Variants in KCNH8 observed in about 807,000 individuals in gnomAD.
The protein encoded by KCNH8 is potassium voltage-gated channel subfamily H member 8, also known as voltage-gated delayed rectifier potassium channel KCNH8.
Under a neutral mutation model 103.6 loss-of-function variants are expected in KCNH8, and 70 were observed. The ratio of observed to expected loss-of-function variants is 0.68; its 90% CI spans 0.56 to 0.82. The LOEUF (loss-of-function observed/expected upper bound fraction) is 0.82. KCNH8 is among the 40% of genes least tolerant of loss of function. KCNH8 has a pLI of 0.00. For missense variants in KCNH8, 1,217 were observed against 1,329.9 expected (o/e 0.92, Z 1.32); for synonymous variants, 498 against 489.4 (o/e 1.02, Z -0.23).
chr3:19,223,246 T>G (rs1228450471), intron 1 of KCNH8, among the ~76,000 whole-genome samples: 2 of 152,124 alleles, frequency 1.3e-5, no homozygotes, highest in Non-Finnish European at 2.9e-5. Context: ...ATTCAACAAC[T>G]CTGTACTAAG....
intron 3 of KCNH8, among the ~76,000 whole-genome samples, chr3:19,307,383 G>A (rs764026128): frequency 2.0e-5 from 3 of 151,860 alleles, no homozygotes; most frequent in Non-Finnish European, 2.9e-5. Flanking sequence ...AGTTAGGATG[G>A]CTATTATCAA....
intron 1 of KCNH8, among the ~76,000 whole-genome samples, chr3:19,224,578 T>A (rs1437289534): frequency 3.4e-5 from 5 of 148,742 alleles, no homozygotes; most frequent in Non-Finnish European, 7.4e-5. Flanking sequence ...TTTTTTTTTT[T>A]GAGAGAGGCT....
chr3:19,203,306 A>G (rs1003399170), intron 1 of KCNH8, among the ~76,000 whole-genome samples: 1 of 152,122 alleles, frequency 6.6e-6, no homozygotes, highest in Non-Finnish European at 1.5e-5. Context: ...AAAGATTCAA[A>G]ATAATCAGAA....
chr3:19,210,955 T>C (rs939640352), intron 1 of KCNH8, among the ~76,000 whole-genome samples: 1 of 152,192 alleles, frequency 6.6e-6, no homozygotes, highest in African/African-American at 2.4e-5. Flanking sequence ...TACTATCCAA[T>C]ATTCAAATAT....
intron 3 of KCNH8, among the ~76,000 whole-genome samples, chr3:19,336,417 T>C (rs952959333): frequency 1.7e-4 from 26 of 151,902 alleles, no homozygotes; most frequent in African/African-American, 5.1e-4. Context: ...TTTTTGAAAT[T>C]GCCTTTGCAG....
chr3:19,182,262 C>T (rs918218215), intron 1 of KCNH8, among the ~76,000 whole-genome samples: 1 of 152,154 alleles, frequency 6.6e-6, no homozygotes, highest in Non-Finnish European at 1.5e-5. Flanking sequence ...GGCGTGGTGG[C>T]TCATGCCTGT....
chr3:19,439,460 T>C (rs1041904116), intron 8 of KCNH8, among the ~76,000 whole-genome samples: 4 of 151,990 alleles, frequency 2.6e-5, no homozygotes, highest in Admixed American at 6.6e-5. Context: ...GACAAGAGGG[T>C]CTAGCATGTC....
intron 7 of KCNH8, among the ~76,000 whole-genome samples, chr3:19,429,607 A>C (rs2067089250): frequency 6.6e-6 from 1 of 152,192 alleles, no homozygotes. Flanking sequence ...TTGGAGGTAC[A>C]AACCCAGGTT....
chr3:19,272,635 T>C (rs558594484), intron 2 of KCNH8, among the ~76,000 whole-genome samples: 1 of 152,232 alleles, frequency 6.6e-6, no homozygotes, highest in African/African-American at 2.4e-5. Flanking sequence ...TTCTCATAGT[T>C]TGCTTCTAAG....
At chr3:19,423,033 T>G (rs931407277) in intron 7 of KCNH8, among the ~76,000 whole-genome samples, 9 of 152,130 alleles carry the variant, frequency 5.9e-5, no homozygotes, top group African/African-American at 2.2e-4. Flanking sequence ...ATCATAGTGA[T>G]GATGATCCAC....
At chr3:19,529,942 T>A (rs943662533) in intron 15 of KCNH8, among the ~76,000 whole-genome samples, 4 of 152,190 alleles carry the variant, frequency 2.6e-5, no homozygotes, top group Non-Finnish European at 5.9e-5. Flanking sequence ...AGGATAGTAA[T>A]TTGTTTTCTG....
intron 5 of KCNH8, among the ~76,000 whole-genome samples, chr3:19,376,017 A>T (rs555452349): frequency 6.6e-6 from 1 of 152,198 alleles, no homozygotes; most frequent in South Asian, 2.1e-4. Context: ...TCAGACAGGG[A>T]CATTTAAGTC....
At chr3:19,427,329 C>A (rs1407400423) in intron 7 of KCNH8, among the ~76,000 whole-genome samples, 1 of 152,156 alleles carries the variant, frequency 6.6e-6, no homozygotes, top group Non-Finnish European at 1.5e-5. Flanking sequence ...TCCACTGTTT[C>A]AAATCCATTG....
intron 11 of KCNH8, among the ~76,000 whole-genome samples, chr3:19,472,187 AC>A (rs1348312794): frequency 7.3e-6 from 1 of 136,876 alleles, no homozygotes; most frequent in Non-Finnish European, 1.6e-5. Context: ...GAATTTAATC[AC>A]TTCATTCGTG....
intron 3 of KCNH8, among the ~76,000 whole-genome samples, chr3:19,318,672 C>CGTGTGT: frequency 6.7e-6 from 1 of 148,910 alleles, no homozygotes. Context: ...TACACACACA[C>CGTGTGT]ACACACACAC....
intron 1 of KCNH8, among the ~76,000 whole-genome samples, chr3:19,159,715 CA>C: frequency 6.6e-6 from 1 of 152,166 alleles, no homozygotes; most frequent in South Asian, 2.1e-4. Context: ...GACACAAAAA[CA>C]TTTGTATCTA....
At chr3:19,478,596 C>T (rs932369592) in intron 11 of KCNH8, among the ~76,000 whole-genome samples, 2 of 152,070 alleles carry the variant, frequency 1.3e-5, no homozygotes, top group Non-Finnish European at 2.9e-5. Context: ...TTCTATACTG[C>T]ATTTCTCTTA....
intron 5 of KCNH8, among the ~76,000 whole-genome samples, chr3:19,382,364 A>G (rs1015205548): frequency 4.6e-5 from 7 of 152,138 alleles, no homozygotes; most frequent in Admixed American, 6.5e-5. Context: ...CAGCAAGTTA[A>G]TTGTCTGAGT....
chr3:19,150,293 C>T (rs947077508), intron 1 of KCNH8, among the ~76,000 whole-genome samples: 9 of 151,958 alleles, frequency 5.9e-5, no homozygotes, highest in African/African-American at 9.7e-5. Flanking sequence ...TGCATGATGG[C>T]GGATACTACT....
Sources: gnomAD v4.1 joint callset for allele counts (sites outside exome capture counted in the v4.1 genomes callset) on GRCh38, gnomAD v4.1.1 for gene constraint, MANE v1.5 for transcripts, NCBI Gene and HGNC (gene_info 2026-07-23, HGNC 2026-07-21) for gene names.